The following LRRC1 variants were observed in gnomAD, a reference collection of about 807,000 sequenced individuals.
LRRC1 encodes the protein leucine-rich repeat-containing protein 1.
In LRRC1, 28 loss-of-function variants were observed where a neutral mutation model predicts 69.9. The ratio of observed to expected loss-of-function variants is 0.40; its 90% CI spans 0.30 to 0.55. The LOEUF (loss-of-function observed/expected upper bound fraction) is 0.55, where lower values mean the gene tolerates loss of function less well. LRRC1 is among the 20% of genes least tolerant of loss of function. The pLI, the probability that LRRC1 is intolerant of heterozygous loss-of-function variation, is 0.47. For missense variants in LRRC1, 498 were observed against 609.0 expected, an observed-to-expected ratio of 0.82 and a Z score of 1.92; for synonymous variants, 236 against 240.2, an observed-to-expected ratio of 0.98 and a Z score of 0.16.
chr6:53,835,519 C>T lies in LRRC1; in HGVS notation c.160-6591C>T, dbSNP rs571278432. On this transcript the variant is annotated intron_variant, in intron 1 of 13. Coordinates refer to ENST00000370888, the MANE Select transcript of LRRC1 (RefSeq NM_018214.5). ...ACACTGACAAAAAGTGTCTCATTCA[C>T]GCTTATTTAACTAATACTTATTTAT... 9.2e-5 allele frequency among the ~76,000 whole-genome samples: 14 copies of T among 152,304 alleles called. No individual in the cohort carries two copies. In the South Asian group the frequency reaches 2.5e-3, roughly 27 times the overall value.
chr6:53,809,909 T>A (rs1438526701), intron 1 of LRRC1, among the ~76,000 whole-genome samples: 1 of 152,228 alleles, frequency 6.6e-6, no homozygotes, highest in African/African-American at 2.4e-5. Flanking sequence ...TTGTATGACT[T>A]CCCCGTGACT....
At chr6:53,799,069 T>C (rs1195885562) in intron 1 of LRRC1, among the ~76,000 whole-genome samples, 1 of 152,212 alleles carries the variant, frequency 6.6e-6, no homozygotes, top group Non-Finnish European at 1.5e-5. Context: ...TAGCGCTTCA[T>C]GTAGTAGTAG....
chr6:53,892,208 T>A (rs1767729431), intron 4 of LRRC1, among the ~76,000 whole-genome samples: 1 of 152,142 alleles, frequency 6.6e-6, no homozygotes, highest in South Asian at 2.1e-4. Context: ...GAGACCTTGT[T>A]CAAGCTTCCT....
At chr6:53,916,884 C>A (rs1182747464) in intron 11 of LRRC1, among the ~76,000 whole-genome samples, 1 of 152,164 alleles carries the variant, frequency 6.6e-6, no homozygotes, top group East Asian at 1.9e-4. Context: ...ATGGACATAA[C>A]TGGAGACAAG....
At chr6:53,888,405 T>C (rs1767564372) in intron 4 of LRRC1, among the ~76,000 whole-genome samples, 1 of 152,096 alleles carries the variant, frequency 6.6e-6, no homozygotes, top group Non-Finnish European at 1.5e-5. Context: ...ACAGAAGAAA[T>C]GTAGGACATG....
At chr6:53,854,057 A>G (rs568842672) in intron 2 of LRRC1, among the ~76,000 whole-genome samples, 7 of 152,208 alleles carry the variant, frequency 4.6e-5, no homozygotes, top group Non-Finnish European at 8.8e-5. Context: ...GCACATTTCC[A>G]TAGTCATATC....
Position 53,795,129 on chromosome 6 carries a change from C to T in LRRC1, c.-128C>T. ...CGACCGCGAAGCCCGGCGCGAGAAG[C>T]GAGCTAACCCAAGAGCCAACAACGA... is the stretch of plus-strand genomic sequence containing the variant. On this transcript the variant is annotated 5_prime_UTR_variant, in exon 1 of 14. Transcript: ENST00000370888. 1.2e-6 allele frequency: 1 copy of T among 804,170 alleles called. No individual in the cohort carries two copies. Among genetic ancestry groups the T allele is most frequent in the Non-Finnish European group, 1.9e-6 (1 of 540,040 alleles). The allele number at this position is 804,170 out of a possible 1,614,324, so 49.8% of individuals were successfully genotyped here. A position where few individuals can be genotyped will look rare whatever the true frequency, so the allele number is the denominator to read the frequency against.
intron 10 of LRRC1, among the ~76,000 whole-genome samples, chr6:53,913,463 T>C (rs1768473965): frequency 6.6e-6 from 1 of 152,172 alleles, no homozygotes; most frequent in Non-Finnish European, 1.5e-5. Flanking sequence ...TTGGCCTAAC[T>C]TTTGAAAATA....
chr6:53,844,314 A>G (rs1280235194), intron 2 of LRRC1, among the ~76,000 whole-genome samples: 1 of 152,224 alleles, frequency 6.6e-6, no homozygotes, highest in Non-Finnish European at 1.5e-5. Flanking sequence ...CAATTTTGAA[A>G]TGGGGATTAG....
chr6:53,878,641 G>A (rs555025311), intron 2 of LRRC1, among the ~76,000 whole-genome samples: 6 of 152,222 alleles, frequency 3.9e-5, no homozygotes, highest in East Asian at 1.9e-4. Context: ...ATGAAGCTTT[G>A]CTCACCCGCC....
At chr6:53,837,198 GA>G (rs35219703) in intron 1 of LRRC1, among the ~76,000 whole-genome samples, 128,726 of 151,602 alleles carry the variant, frequency 0.85, 54,741 homozygotes, top group East Asian at 0.96. Context: ...ATATATTCTG[GA>G]AAAAATATAT....
At chr6:53,880,784 C>G (rs987525547) in intron 3 of LRRC1, among the ~76,000 whole-genome samples, 39 of 152,164 alleles carry the variant, frequency 2.6e-4, no homozygotes, top group Admixed American at 2.6e-4. Flanking sequence ...TTGAATTCCT[C>G]TATTATTTAT....
chr6:53,899,692 C>G lies in LRRC1; in HGVS notation c.643-55C>G. ...TGTGAAAAATCACTGGAACAAATGCCTCTGCACTGTGGCAGGTTTAAGTGT... is the reference window on the plus strand; with the variant it reads ...TGTGAAAAATCACTGGAACAAATGCGTCTGCACTGTGGCAGGTTTAAGTGT... On this transcript the variant is annotated intron_variant, in intron 7 of 13. Transcript: ENST00000370888. The G allele has an allele frequency of 1.9e-6, 3 of 1,566,862 alleles. No homozygotes were observed. In the South Asian group the frequency reaches 3.4e-5, roughly 18 times the overall value.
intron 1 of LRRC1, among the ~76,000 whole-genome samples, chr6:53,825,394 C>T (rs946740647): frequency 2.6e-5 from 4 of 152,178 alleles, no homozygotes; most frequent in East Asian, 1.9e-4. Flanking sequence ...AGTGGTCAGT[C>T]CTGCTAGACC....
intron 1 of LRRC1, among the ~76,000 whole-genome samples, chr6:53,840,252 G>A (rs1317232611): frequency 6.6e-6 from 1 of 152,200 alleles, no homozygotes; most frequent in East Asian, 1.9e-4. Context: ...GTTTGGCTGG[G>A]TATATAATTT....
chr6:53,885,897 G>A (rs1767458864), intron 4 of LRRC1, among the ~76,000 whole-genome samples: 1 of 152,076 alleles, frequency 6.6e-6, no homozygotes, highest in African/African-American at 2.4e-5. Flanking sequence ...GGCTCTCCAG[G>A]TCCCAGTCCT....
chr6:53,911,587 T>G (rs1768410692), intron 10 of LRRC1, among the ~76,000 whole-genome samples: 1 of 152,204 alleles, frequency 6.6e-6, no homozygotes, highest in Admixed American at 6.5e-5. Context: ...TCTTCAAAGC[T>G]AGATCAGGAC....
chr6:53,903,965 C>A (rs1017681891), intron 9 of LRRC1, among the ~76,000 whole-genome samples: 3 of 152,212 alleles, frequency 2.0e-5, no homozygotes, highest in African/African-American at 7.2e-5. Flanking sequence ...CATGCGGCAC[C>A]CTGCTTCGGG....
chr6:53,897,598 A>G (rs117402092), intron 7 of LRRC1, among the ~76,000 whole-genome samples: 1 of 152,252 alleles, frequency 6.6e-6, no homozygotes, highest in East Asian at 1.9e-4. Flanking sequence ...AGTTTGTAAA[A>G]TCTGTATTTT....
Sources: gnomAD v4.1 joint callset for allele counts (sites outside exome capture counted in the v4.1 genomes callset) on GRCh38, gnomAD v4.1.1 for gene constraint, MANE v1.5 for transcripts, NCBI Gene and HGNC (gene_info 2026-07-23, HGNC 2026-07-21) for gene names.